Variants in DMXL1 observed in about 807,000 individuals in gnomAD.
DMXL1 encodes the protein dmX-like protein 1.
A neutral mutation model predicts 319.2 loss-of-function variants in DMXL1; 99 were observed. The observed-to-expected ratio is 0.31, with a 90% CI of 0.26 to 0.37. DMXL1 has a LOEUF of 0.37. Among genes scored for constraint, DMXL1 ranks in the 10% least tolerant of loss-of-function variants. The probability of loss-of-function intolerance (pLI) is 1.00; values close to 1 mark genes in which losing one functional copy is unlikely to be tolerated. For missense variants in DMXL1, 3,745 were observed against 3,595.6 expected (o/e 1.04, Z -1.06); for synonymous variants, 1,385 against 1,235.2 (o/e 1.12, Z -2.54).
intron 35 of DMXL1, among the ~76,000 whole-genome samples, chr5:119,219,768 AT>A (rs993187281): frequency 6.6e-6 from 1 of 151,946 alleles, no homozygotes; most frequent in Non-Finnish European, 1.5e-5. Context: ...GTGTTTTGCC[AT>A]GTTGCCCAGG....
intron 21 of DMXL1, among the ~76,000 whole-genome samples, chr5:119,165,869 A>C (rs1773333251): frequency 6.6e-6 from 1 of 152,248 alleles, no homozygotes; most frequent in Non-Finnish European, 1.5e-5. Flanking sequence ...TGGGAATTCA[A>C]GATGAGATTT....
chr5:119,156,456 A>G (rs1771084402), intron 19 of DMXL1, among the ~76,000 whole-genome samples: 2 of 152,152 alleles, frequency 1.3e-5, no homozygotes, highest in African/African-American at 2.4e-5. Context: ...GGTATCTCCA[A>G]GGTCTGCCTA....
chr5:119,202,884 T>TA (rs1554139421), intron 32 of DMXL1, among the ~76,000 whole-genome samples: 8,917 of 113,248 alleles, frequency 0.079, 482 homozygotes, highest in East Asian at 0.24. Context: ...TATATATATT[T>TA]TTATATATAT....
At chr5:119,129,921 C>T (rs750294759) in intron 10 of DMXL1, among the ~76,000 whole-genome samples, 5 of 152,152 alleles carry the variant, frequency 3.3e-5, no homozygotes, top group Admixed American at 1.3e-4. Context: ...CCTTGATTGA[C>T]GCATATCACT....
chr5:119,247,289 C>T lies in DMXL1; in HGVS notation c.*70C>T, dbSNP rs1561964983. ...GCCAACAGATATAATATACAGTGAT[C>T]ATTCTCTATGCCACAAATTAGCTAA... is the stretch of plus-strand genomic sequence containing the variant. On this transcript the variant is annotated 3_prime_UTR_variant, in exon 44 of 44. Transcript: ENST00000539542. 9.5e-7 allele frequency: 1 copy of T among 1,050,468 alleles called. No individual in the cohort carries two copies. Among genetic ancestry groups the T allele is most frequent in the East Asian group, 2.5e-5 (1 of 39,716 alleles). The allele number at this position is 1,050,468 out of a possible 1,614,324, so 65.1% of individuals were successfully genotyped here.
At chr5:119,153,105 T>A (rs1581044709) in intron 19 of DMXL1, among the ~76,000 whole-genome samples, 1 of 152,070 alleles carries the variant, frequency 6.6e-6, no homozygotes, top group African/African-American at 2.4e-5. Context: ...GCCTCTCGAA[T>A]ACCTGGGACT....
At chr5:119,216,497 G>A (rs893884639) in intron 34 of DMXL1, among the ~76,000 whole-genome samples, 8 of 152,130 alleles carry the variant, frequency 5.3e-5, no homozygotes, top group Non-Finnish European at 8.8e-5. Flanking sequence ...ACCCTTTGTG[G>A]TCTGCAAAAC....
At position 119,206,729 on chromosome 5, in the gene DMXL1, T is replaced by C. The variant is rs1581324549; in HGVS notation, c.7864-105T>C. 5 of 634,550 alleles carry C rather than the reference T, an allele frequency of 7.9e-6. No homozygotes were observed. The East Asian group carries it at 1.5e-4, about 19-fold the overall frequency. The allele number at this position is 634,550 out of a possible 1,614,324, so 39.3% of individuals were successfully genotyped here. On this transcript the variant is annotated intron_variant, in intron 33 of 43. Coordinates refer to ENST00000539542, the MANE Select transcript of DMXL1 (RefSeq NM_001290321.3). ...ATAGTAACTCCATATAATGTTCTTT[T>C]CTAGTAAATTTGGTTTAAAATATAG...
chr5:119,119,386 C>G (rs1382934908), intron 8 of DMXL1, among the ~76,000 whole-genome samples: 1 of 152,132 alleles, frequency 6.6e-6, no homozygotes, highest in Non-Finnish European at 1.5e-5. Context: ...ACCCACCCCA[C>G]CCCCAGAACT....
rs796749803 is a variant in DMXL1, at chr5:119,232,133, A to G, written c.8339-1207A>G. On this transcript the variant is annotated intron_variant, in intron 38 of 43. Transcript: ENST00000539542. Reference sequence around the variant, plus strand: ...GTAGCTAGTACTATAGGTGTGTGCCACCAAACCCAGCTCTTAATTTTTTAA... The same window carrying G: ...GTAGCTAGTACTATAGGTGTGTGCCGCCAAACCCAGCTCTTAATTTTTTAA... Among the ~76,000 whole-genome samples, 10 of 152,270 alleles carry G rather than the reference A, an allele frequency of 6.6e-5. No homozygotes were observed. The South Asian group carries it at 2.1e-3, about 32-fold the overall frequency.
intron 19 of DMXL1, among the ~76,000 whole-genome samples, chr5:119,161,449 C>T (rs1772247774): frequency 6.6e-6 from 1 of 152,240 alleles, no homozygotes; most frequent in African/African-American, 2.4e-5. Context: ...TCCAGATGGA[C>T]AGATTCAGAG....
At chr5:119,144,933 G>A (rs1367830588) in intron 15 of DMXL1, among the ~76,000 whole-genome samples, 2 of 151,680 alleles carry the variant, frequency 1.3e-5, no homozygotes, top group African/African-American at 4.8e-5. Context: ...CATCCATTTG[G>A]ATATTATGGA....
intron 13 of DMXL1, among the ~76,000 whole-genome samples, chr5:119,135,879 C>T (rs1765875368): frequency 6.6e-6 from 1 of 152,136 alleles, no homozygotes; most frequent in Non-Finnish European, 1.5e-5. Context: ...CAGCCTACTA[C>T]AGATAATTGG....
chr5:119,093,014 C>T (rs1022971619), intron 1 of DMXL1, among the ~76,000 whole-genome samples: 1 of 151,944 alleles, frequency 6.6e-6, no homozygotes, highest in Non-Finnish European at 1.5e-5. Context: ...ACAGGCATAT[C>T]TTGTTTTCTT....
chr5:119,147,942 C>T (rs545587860), intron 17 of DMXL1, among the ~76,000 whole-genome samples: 2 of 152,316 alleles, frequency 1.3e-5, no homozygotes, highest in East Asian at 3.8e-4. Flanking sequence ...CTTGGGCCAC[C>T]CAGGGTTACT....
intron 1 of DMXL1, among the ~76,000 whole-genome samples, chr5:119,090,539 T>C (rs1754527616): frequency 2.0e-5 from 3 of 151,476 alleles, no homozygotes; most frequent in Admixed American, 2.0e-4. Flanking sequence ...TTACTTTTCT[T>C]TTTTGTTTTT....
rs940291886 is a variant in DMXL1, at chr5:119,128,999, A to G, written c.1103-212A>G. Among the ~76,000 whole-genome samples, 9 of 152,138 alleles carry G rather than the reference A, an allele frequency of 5.9e-5. No individual in the cohort carries two copies. The South Asian group carries it at 1.2e-3, about 21-fold the overall frequency. On this transcript the variant is annotated intron_variant, in intron 9 of 43. Transcript: ENST00000539542. ...GAATGGCTTGAACCAGGGAGTTTGCAGTAAGCCAAGATCACACCAGTGCAC... is the reference window on the plus strand; with the variant it reads ...GAATGGCTTGAACCAGGGAGTTTGCGGTAAGCCAAGATCACACCAGTGCAC...
Position 119,170,479 on chromosome 5 carries a change from T to A in DMXL1, c.5688T>A (p.Ser1896Arg). 1 of 1,613,672 alleles carries A rather than the reference T, an allele frequency of 6.2e-7. No individual in the cohort carries two copies. The highest frequency in any genetic ancestry group is 8.5e-7 in the Non-Finnish European group (1 of 1,179,868). ...KKTRPFYRAS[S>R]FLDTSKDCSP... is the part of the protein sequence containing the mutation. ...CAAGACCTTTTTATAGGGCTTCTAG[T>A]TTTCTGGATACTAGTAAAGACTGTT... is the stretch of plus-strand genomic sequence containing the variant. The change falls in exon 24 of 44, where the codon AGT becomes AGA. Residue 1896 changes from serine to arginine, a missense_variant. Physicochemically the swap from Ser to Arg is moderately radical, Grantham distance 110 (BLOSUM62 -1). This residue lies in a region of DMXL1 where 1,382 missense variants were observed against 1,269.5 expected (regional missense o/e 1.09). Coordinates refer to ENST00000539542, the MANE Select transcript of DMXL1 (RefSeq NM_001290321.3).
chr5:119,102,009 C>T lies in DMXL1; in HGVS notation c.285+3C>T. 6.4e-7 allele frequency: 1 copy of T among 1,565,336 alleles called. No individual in the cohort carries two copies. The highest frequency in any genetic ancestry group is 8.8e-7 in the Non-Finnish European group (1 of 1,142,834). On this transcript the variant is annotated splice_donor_region_variant and intron_variant, in intron 3 of 43. Transcript: ENST00000539542. Reference sequence around the variant, plus strand: ...TACCAAAACAAAAGAAAAATTTGGTCAGTAATTTATGATTTCTTCTTTTAG... The same window carrying T: ...TACCAAAACAAAAGAAAAATTTGGTTAGTAATTTATGATTTCTTCTTTTAG...
Sources: allele counts gnomAD v4.1 joint callset (sites outside exome capture counted in the v4.1 genomes callset), GRCh38; gene constraint gnomAD v4.1.1; regional missense constraint gnomAD v4.1.1; transcripts MANE v1.5; gene names NCBI Gene and HGNC (gene_info 2026-07-23, HGNC 2026-07-21).